PTPRN2: variants seen among roughly 807,000 people sequenced by gnomAD.
PTPRN2 encodes protein tyrosine phosphatase receptor type N2.
A neutral mutation model predicts 118.8 loss-of-function variants in PTPRN2; 74 were observed. That is an observed-to-expected ratio of 0.62 (90% CI 0.52 to 0.76). PTPRN2 has a LOEUF of 0.76. PTPRN2 is among the 30% of genes least tolerant of loss of function. The pLI is 0.00. For synonymous variants in PTPRN2, 641 were observed against 608.0 expected (o/e 1.05, Z -0.80); for missense variants, 1,481 against 1,394.4 (o/e 1.06, Z -0.99).
rs1343975664 is a variant in PTPRN2 at position 158,312,685 on chromosome 7, G to A, written c.277+4134C>T. Among the ~76,000 whole-genome samples the A allele has an allele frequency of 2.3e-5, 3 of 129,772 alleles. No individual in the cohort carries two copies. In the East Asian group the frequency reaches 7.9e-4, roughly 34 times the overall value. The allele number at this position is 129,772 out of a possible 152,430, so 85.1% of individuals were successfully genotyped here. On this transcript the variant is annotated intron_variant, in intron 3 of 22. Coordinates refer to ENST00000389418, the MANE Select transcript of PTPRN2 (RefSeq NM_002847.5). ...TGTGTGCCTGCCTGCACACATGCAT[G>A]CACACCTGCACACTCATTCACGTGC...
At chr7:158,503,492 G>A (rs571342028) in intron 1 of PTPRN2, among the ~76,000 whole-genome samples, 1 of 152,180 alleles carries the variant, frequency 6.6e-6, no homozygotes, top group East Asian at 1.9e-4. Context: ...CTCCCCACCA[G>A]GTTTCCCAAA....
intron 12 of PTPRN2, among the ~76,000 whole-genome samples, chr7:157,833,441 C>T (rs1199576198): frequency 4.1e-5 from 6 of 145,342 alleles, no homozygotes; most frequent in East Asian, 4.2e-4. Flanking sequence ...TGTCCAGGAG[C>T]GAGATGTGGC....
chr7:157,990,870 T>C lies in PTPRN2; in HGVS notation c.1723+90428A>G, dbSNP rs1804200012. 6.6e-6 allele frequency among the ~76,000 whole-genome samples: 1 copy of C among 152,042 alleles called. No homozygotes were observed. On this transcript the variant is annotated intron_variant, in intron 11 of 22. Coordinates refer to ENST00000389418, the MANE Select transcript of PTPRN2 (RefSeq NM_002847.5). The surrounding 1 kb of genome is among the most constrained non-coding windows in gnomAD (Gnocchi z 4.3). ...AGTCCCAGCGCTTACCGAGGAGGAC[T>C]GGGGAGGGGGGCCGAGTCTCCAGTC...
chr7:158,327,543 ACTAT>A (rs199915591), intron 2 of PTPRN2, among the ~76,000 whole-genome samples: 2,930 of 151,684 alleles, frequency 0.019, 85 homozygotes, highest in African/African-American at 0.065. Context: ...ACATGTACAC[ACTAT>A]CTGTTCTCAC....
chr7:158,168,444 G>T (rs1290954439), intron 5 of PTPRN2, among the ~76,000 whole-genome samples: 1 of 152,196 alleles, frequency 6.6e-6, no homozygotes, highest in African/African-American at 2.4e-5. Context: ...AGAAATGTCT[G>T]TTTGTATTTT....
intron 2 of PTPRN2, among the ~76,000 whole-genome samples, chr7:158,463,819 T>C (rs1419680436): frequency 7.1e-6 from 1 of 140,126 alleles, no homozygotes; most frequent in African/African-American, 2.7e-5. Flanking sequence ...TCCTTCATCA[T>C]CACCATCATC....
At chr7:157,574,449 C>A in intron 19 of PTPRN2, 1 of 525,730 alleles carries the variant, frequency 1.9e-6, no homozygotes, top group Non-Finnish European at 4.0e-6. Context: ...AAGGGTTTGT[C>A]CGTTTTACCG....
chr7:157,926,731 G>T (rs943050048), intron 11 of PTPRN2, among the ~76,000 whole-genome samples: 1 of 152,172 alleles, frequency 6.6e-6, no homozygotes, highest in Non-Finnish European at 1.5e-5. Flanking sequence ...TTTGCTTCCT[G>T]CTTAGACCTG....
chr7:158,514,376 G>A (rs1823388575), intron 1 of PTPRN2, among the ~76,000 whole-genome samples: 1 of 152,200 alleles, frequency 6.6e-6, no homozygotes, highest in African/African-American at 2.4e-5. Flanking sequence ...TGGCAGCAAA[G>A]GGCATTCCTC....
At chr7:158,497,275 GCAGCCCCACCTTGGCCAGGTGACC>G (rs965046731) in intron 1 of PTPRN2, among the ~76,000 whole-genome samples, 8 of 140,950 alleles carry the variant, frequency 5.7e-5, no homozygotes, top group African/African-American at 1.1e-4. Flanking sequence ...TGGGTGACAT[GCAGCCCCACCTTGGCCAGGTGACC>G]CAGCCCCACC....
At chr7:158,313,874 A>G (rs1453830689) in intron 3 of PTPRN2, among the ~76,000 whole-genome samples, 1 of 152,218 alleles carries the variant, frequency 6.6e-6, no homozygotes, top group African/African-American at 2.4e-5. Context: ...CTGTTGGGGA[A>G]TTCGGGGCCA....
At chr7:158,429,026 A>T (rs561561868) in intron 2 of PTPRN2, among the ~76,000 whole-genome samples, 5 of 152,318 alleles carry the variant, frequency 3.3e-5, no homozygotes, top group Admixed American at 6.5e-5. Flanking sequence ...TTGGTGGCCA[A>T]GCCTGAACTG....
chr7:157,709,563 C>T (rs979582285), intron 12 of PTPRN2, among the ~76,000 whole-genome samples: 18 of 152,312 alleles, frequency 1.2e-4, no homozygotes, highest in South Asian at 4.1e-4. Context: ...AAATTCCCTG[C>T]GAGCCCCCCA....
rs528498831 is a variant in PTPRN2 at position 158,133,849 on chromosome 7, G to A, written c.1384C>T (p.His462Tyr). 50 of 1,613,916 alleles carry A rather than the reference G, an allele frequency of 3.1e-5. No individual in the cohort carries two copies. In the African/African-American group the frequency reaches 5.7e-4, roughly 18 times the overall value. The change falls in exon 9 of 23, where the codon CAT becomes TAT. Residue 462 changes from histidine to tyrosine, a missense_variant. Coordinates refer to ENST00000389418, the MANE Select transcript of PTPRN2 (RefSeq NM_002847.5). ...AACGCAGCGGCCCCGGGCTCCGAAT[G>A]CGGCTGCTGCCCCAGCAGATCTTTG... is the stretch of plus-strand genomic sequence containing the variant. ...YSKDLLGQQP[H>Y]SEPGAAAFGE...
At chr7:157,747,873 C>G (rs1464802404) in intron 12 of PTPRN2, among the ~76,000 whole-genome samples, 33 of 140,130 alleles carry the variant, frequency 2.4e-4, no homozygotes, top group African/African-American at 6.8e-4. Context: ...CGTCCCTGAG[C>G]TGTGGGGTGT....
At chr7:158,572,321 G>A (rs1299422385) in intron 1 of PTPRN2, among the ~76,000 whole-genome samples, 1 of 152,218 alleles carries the variant, frequency 6.6e-6, no homozygotes, top group Non-Finnish European at 1.5e-5. Context: ...GTACTGGGTA[G>A]TGATGTGAAC....
At chr7:158,002,101 G>GC (rs1805305506) in intron 11 of PTPRN2, among the ~76,000 whole-genome samples, 1 of 152,196 alleles carries the variant, frequency 6.6e-6, no homozygotes. Context: ...GACCAGCTCT[G>GC]CCCCCCACCG....
At chr7:158,539,694 C>T (rs1825862828) in intron 1 of PTPRN2, 2 of 261,296 alleles carry the variant, frequency 7.7e-6, no homozygotes, top group Non-Finnish European at 7.6e-6. Context: ...GAGGGACACA[C>T]TGTGAGCCTG....
chr7:157,819,143 C>T (rs561953164), intron 12 of PTPRN2, among the ~76,000 whole-genome samples: 44 of 152,326 alleles, frequency 2.9e-4, no homozygotes, highest in African/African-American at 1.1e-3. Context: ...GGCCCACCTG[C>T]ACCCGCTCAG....
Sources: allele counts gnomAD v4.1 joint callset (sites outside exome capture counted in the v4.1 genomes callset), GRCh38; gene constraint gnomAD v4.1.1; non-coding constraint Gnocchi (gnomAD v3.1); transcripts MANE v1.5; gene names NCBI Gene and HGNC (gene_info 2026-07-23, HGNC 2026-07-21).